The following NSUN7 variants were observed in gnomAD, a reference collection of about 807,000 sequenced individuals.
NSUN7 encodes the protein protein NSUN7.
In NSUN7, 39 loss-of-function variants were observed where a neutral mutation model predicts 58.5. That is an observed-to-expected ratio of 0.67 (90% CI 0.52 to 0.87). NSUN7 has a LOEUF of 0.87. Ranked by LOEUF, NSUN7 falls within the 40% of genes least tolerant of loss-of-function variation. The pLI is 0.00. For synonymous variants in NSUN7, 278 were observed against 303.7 expected (o/e 0.92, Z 0.88); for missense variants, 765 against 844.1 (o/e 0.91, Z 1.16).
chr4:40,751,121 G>C (rs879115632), intron 2 of NSUN7, 130 bp downstream of exon 2: 5 of 956,664 alleles, frequency 5.2e-6, no homozygotes, highest in Non-Finnish European at 7.7e-6. Context: ...GCATATCTTT[G>C]GTTAATTGCA....
intron 4 of NSUN7, among the ~76,000 whole-genome samples, chr4:40,770,642 CT>C (rs1297899488): frequency 6.6e-6 from 1 of 152,098 alleles, no homozygotes; most frequent in African/African-American, 2.4e-5. Context: ...CATTCAAAAA[CT>C]TGAGTCAAAA....
intron 2 of NSUN7, among the ~76,000 whole-genome samples, chr4:40,757,727 C>T (rs10028843): frequency 0.092 from 809 of 8,776 alleles, 7 homozygotes; most frequent in African/African-American, 0.28. Context: ...TGTATATATA[C>T]ACACACACAC....
At chr4:40,794,505 A>C in intron 9 of NSUN7, 29 bp downstream of exon 9, 1 of 1,303,668 alleles carries the variant, frequency 7.7e-7, no homozygotes, top group Non-Finnish European at 1.1e-6. Context: ...CCATCTTGTT[A>C]AAATAAGGTG....
chr4:40,756,750 C>A (rs950021016), intron 2 of NSUN7, among the ~76,000 whole-genome samples: 1 of 152,066 alleles, frequency 6.6e-6, no homozygotes, highest in Non-Finnish European at 1.5e-5. Context: ...ATATGAAATG[C>A]ACTTAGAACA....
intron 9 of NSUN7, among the ~76,000 whole-genome samples, chr4:40,795,625 A>C (rs1743290452): frequency 1.3e-5 from 2 of 152,214 alleles, no homozygotes; most frequent in South Asian, 4.1e-4. Flanking sequence ...ATGTTACTGG[A>C]AGACATACTG....
chr4:40,783,375 C>A (rs891715974), intron 7 of NSUN7, among the ~76,000 whole-genome samples: 2 of 151,936 alleles, frequency 1.3e-5, no homozygotes, highest in African/African-American at 4.8e-5. Flanking sequence ...CAAAATGGAT[C>A]AAAAATATAA....
In NSUN7 at chr4:40,790,655, T is replaced by A. The variant is rs1352652496; in HGVS notation, c.1090T>A (p.Leu364Ile). ...FINIESKDHR[L>I]QKVKVILLLP... Reference sequence around the variant, plus strand: ...TAACATTGAATCAAAGGATCACAGGTTACAGAAAGTTAAAGTGATTTTGCT... The same window carrying A: ...TAACATTGAATCAAAGGATCACAGGATACAGAAAGTTAAAGTGATTTTGCT... The change falls in exon 8 of 12, where the codon TTA becomes ATA. Residue 364 changes from leucine to isoleucine, a missense_variant. Transcript: ENST00000381782. The A allele has an allele frequency of 1.3e-6, 2 of 1,597,802 alleles. No individual in the cohort carries two copies. The highest frequency in any genetic ancestry group is 1.7e-5 in the Admixed American group (1 of 58,876).
chr4:40,784,261 T>C (rs144443782), intron 7 of NSUN7, among the ~76,000 whole-genome samples: 47 of 152,352 alleles, frequency 3.1e-4, no homozygotes, highest in African/African-American at 1.1e-3. Flanking sequence ...ACTTAAGAAT[T>C]CCACCTTTAG....
chr4:40,756,763 G>A (rs965827741), intron 2 of NSUN7, among the ~76,000 whole-genome samples: 2 of 152,172 alleles, frequency 1.3e-5, no homozygotes, highest in Non-Finnish European at 2.9e-5. Flanking sequence ...TTAGAACATT[G>A]TCAAGCACAT....
intron 5 of NSUN7, 71 bp downstream of exon 5, chr4:40,774,488 A>G (rs1040118382): frequency 1.7e-5 from 26 of 1,499,588 alleles, no homozygotes; most frequent in Middle Eastern, 2.0e-4. Context: ...GAGAAGCATT[A>G]CCTTTTTAAG....
intron 4 of NSUN7, among the ~76,000 whole-genome samples, chr4:40,770,315 A>G (rs1741939290): frequency 1.3e-5 from 2 of 152,180 alleles, no homozygotes; most frequent in African/African-American, 4.8e-5. Context: ...GGAACATCGT[A>G]GAACATACTT....
At chr4:40,801,993 T>G (rs781198270) in intron 10 of NSUN7, among the ~76,000 whole-genome samples, 3 of 152,106 alleles carry the variant, frequency 2.0e-5, no homozygotes, top group Non-Finnish European at 4.4e-5. Context: ...TCCTTATGGA[T>G]TCTACATTTT....
chr4:40,810,347 G>C lies in NSUN7; in HGVS notation c.*1408G>C, dbSNP rs1332925089. On this transcript the variant is annotated 3_prime_UTR_variant, in exon 12 of 12. Coordinates refer to ENST00000381782, the MANE Select transcript of NSUN7 (RefSeq NM_024677.6). The stretch of plus-strand genomic sequence containing the variant: ...CAGTTTGGGAGGCTGAGGTGGGCAC[G>C]CCACTTGAGCACCGGAGTTCCAGAC... The C allele has an allele frequency of 6.6e-6, 1 of 151,928 alleles. No homozygotes were observed. Among genetic ancestry groups the C allele is most frequent in the African/African-American group, 2.4e-5 (1 of 41,358 alleles). 9.4% of individuals were successfully genotyped at this position (151,928 alleles called of 1,614,324 possible). A position where few individuals can be genotyped will look rare whatever the true frequency, so the allele number is the denominator to read the frequency against.
chr4:40,750,684 A>AGG lies in NSUN7; in HGVS notation c.-7_-6dup. ...CAGGGTGAAGGACTCACGACAGGCGAGGGGCAGACATGCTGAATTCCACGG... is the reference window on the plus strand; with the variant it reads ...CAGGGTGAAGGACTCACGACAGGCGAGGGGGGCAGACATGCTGAATTCCACGG... On this transcript the variant is annotated 5_prime_UTR_variant, in exon 2 of 12. Coordinates refer to ENST00000381782, the MANE Select transcript of NSUN7 (RefSeq NM_024677.6). 6.2e-7 allele frequency: 1 copy of AGG among 1,611,296 alleles called. No homozygotes were observed. Among genetic ancestry groups the AGG allele is most frequent in the Non-Finnish European group, 8.5e-7 (1 of 1,178,570 alleles).
intron 7 of NSUN7, among the ~76,000 whole-genome samples, chr4:40,780,754 TACACACACACACACAC>T (rs796117262): frequency 9.6e-6 from 1 of 104,242 alleles, no homozygotes; most frequent in African/African-American, 3.8e-5. Context: ...AACATTGAAA[TACACACACACACACAC>T]ACACACACAC....
At position 40,750,082 on chromosome 4, in the gene NSUN7, C is replaced by T. The variant is rs949502912; in HGVS notation, c.-310C>T. The T allele has an allele frequency of 6.6e-6, 1 of 152,442 alleles. No homozygotes were observed. The highest frequency in any genetic ancestry group is 2.4e-5 in the African/African-American group (1 of 41,452). 9.4% of individuals were successfully genotyped at this position (152,442 alleles called of 1,614,324 possible). The stretch of plus-strand genomic sequence containing the variant: ...CTCACGCGCGAGGCCAGGCGAGGCC[C>T]CGAGGCGCCCACCACTTCACGACAC... On this transcript the variant is annotated 5_prime_UTR_variant, in exon 1 of 12. Transcript: ENST00000381782.
At chr4:40,792,018 C>G (rs899416688) in intron 8 of NSUN7, among the ~76,000 whole-genome samples, 5 of 152,218 alleles carry the variant, frequency 3.3e-5, no homozygotes, top group Admixed American at 2.0e-4. Context: ...TGGGTTTACA[C>G]TGTACCACAT....
At chr4:40,795,274 G>T (rs940832049) in intron 9 of NSUN7, among the ~76,000 whole-genome samples, 4 of 152,032 alleles carry the variant, frequency 2.6e-5, no homozygotes, top group African/African-American at 9.7e-5. Flanking sequence ...TAGAAATAAG[G>T]CCTATACAAA....
Position 40,749,973 on chromosome 4 carries a change from C to G in NSUN7, c.-419C>G, listed in dbSNP as rs889987263. Reference sequence around the variant, plus strand: ...CGGGAGCAGTCGACTGCCGGAGACTCGGGAGGCTGAGCTTTCCTCGGCCTG... The same window carrying G: ...CGGGAGCAGTCGACTGCCGGAGACTGGGGAGGCTGAGCTTTCCTCGGCCTG... On this transcript the variant is annotated 5_prime_UTR_variant, in exon 1 of 12. Coordinates refer to ENST00000381782, the MANE Select transcript of NSUN7 (RefSeq NM_024677.6). 7 of 152,208 alleles carry G rather than the reference C, an allele frequency of 4.6e-5. No homozygotes were observed. The highest frequency in any genetic ancestry group is 1.7e-4 in the African/African-American group (7 of 41,436). 9.4% of individuals were successfully genotyped at this position (152,208 alleles called of 1,614,324 possible).
Sources: gnomAD v4.1 joint callset for allele counts (sites outside exome capture counted in the v4.1 genomes callset) on GRCh38, gnomAD v4.1.1 for gene constraint, MANE v1.5 for transcripts, NCBI Gene and HGNC (gene_info 2026-07-23, HGNC 2026-07-21) for gene names.